The following OTOGL variants were observed in gnomAD, a reference collection of about 807,000 sequenced individuals.
OTOGL encodes otogelin like.
A neutral mutation model predicts 318.5 loss-of-function variants in OTOGL; 285 were observed. The ratio of observed to expected loss-of-function variants is 0.89; its 90% confidence interval spans 0.81 to 0.99. OTOGL has a LOEUF of 0.99. Ranked by LOEUF, OTOGL falls within the 50% of genes least tolerant of loss-of-function variation. The pLI, the probability that OTOGL is intolerant of heterozygous loss-of-function variation, is 0.00. For synonymous variants in OTOGL, 987 were observed against 936.5 expected (o/e 1.05, Z -0.99); for missense variants, 2,899 against 2,845.6 (o/e 1.02, Z -0.43).
intron 57 of OTOGL, among the ~76,000 whole-genome samples, chr12:80,374,133 A>T (rs758556687): frequency 2.8e-4 from 42 of 152,160 alleles, no homozygotes; most frequent in Non-Finnish European, 3.7e-4. Context: ...CAAAACCAAG[A>T]TGTCAGCAGG....
intron 6 of OTOGL, among the ~76,000 whole-genome samples, chr12:80,220,611 G>A (rs1402703060): frequency 3.0e-5 from 3 of 101,222 alleles, no homozygotes; most frequent in African/African-American, 3.4e-5. Flanking sequence ...GAGGGCAAGG[G>A]CTTTTTTTTT....
At chr12:80,245,996 T>A (rs11114367) in intron 11 of OTOGL, among the ~76,000 whole-genome samples, 14,581 of 144,504 alleles carry the variant, frequency 0.1, 845 homozygotes, top group Middle Eastern at 0.16. Flanking sequence ...TGCTTGTGAT[T>A]TTTGTACATT....
Position 80,236,778 on chromosome 12 carries a change from C to T in OTOGL, c.818-2073C>T, listed in dbSNP as rs77157844. 9.7e-3 allele frequency among the ~76,000 whole-genome samples: 1,429 copies of T among 147,858 alleles called. 29 individuals are homozygous for T. The highest frequency in any genetic ancestry group is 0.034 in the African/African-American group (1,339 of 39,586). On this transcript the variant is annotated intron_variant, in intron 9 of 58. Transcript: ENST00000547103. ...AATTAGAAAGCCCTAGGATTCTTTTCGTTTTTGTTTTTGTTTTTCTTTTTT... is the reference window on the plus strand; with the variant it reads ...AATTAGAAAGCCCTAGGATTCTTTTTGTTTTTGTTTTTGTTTTTCTTTTTT...
chr12:80,310,733 T>C lies in OTOGL; in HGVS notation c.3450+6T>C. On this transcript the variant is annotated splice_donor_region_variant and intron_variant, in intron 30 of 58. Transcript: ENST00000547103. ...TTGCTTCTTGTCGCAATGTGGTAAATGAATACTTTAATGAACTCTCGAGTT... is the reference window on the plus strand; with the variant it reads ...TTGCTTCTTGTCGCAATGTGGTAAACGAATACTTTAATGAACTCTCGAGTT... The C allele has an allele frequency of 6.5e-7, 1 of 1,534,504 alleles. No homozygotes were observed. The highest frequency in any genetic ancestry group is 8.9e-7 in the Non-Finnish European group (1 of 1,120,994).
intron 8 of OTOGL, among the ~76,000 whole-genome samples, chr12:80,230,228 T>G (rs1240898298): frequency 2.0e-5 from 3 of 152,146 alleles, no homozygotes; most frequent in East Asian, 1.9e-4. Context: ...TGGGCTTAGA[T>G]TCCTCAAAAG....
chr12:80,323,220 G>A (rs1305894892), intron 34 of OTOGL, among the ~76,000 whole-genome samples: 1 of 151,876 alleles, frequency 6.6e-6, no homozygotes, highest in Non-Finnish European at 1.5e-5. Context: ...GAAGATAGGT[G>A]TACATGTAGA....
At chr12:80,301,428 G>A (rs1325812443) in intron 27 of OTOGL, among the ~76,000 whole-genome samples, 1 of 151,882 alleles carries the variant, frequency 6.6e-6, no homozygotes. Flanking sequence ...AGCTTTTATT[G>A]ACTACATTTT....
At position 80,264,987 on chromosome 12, in the gene OTOGL, G is replaced by C. The variant is rs781539408; in HGVS notation, c.2015-14G>C. The C allele has an allele frequency of 6.2e-7, 1 of 1,612,506 alleles. No individual in the cohort carries two copies. On this transcript the variant is annotated splice_polypyrimidine_tract_variant and intron_variant, in intron 19 of 58. Transcript: ENST00000547103. The stretch of plus-strand genomic sequence containing the variant: ...TGAACTGTTAAATAAGATGCTAATT[G>C]GGCTCTTTGTTAGTTGGGTATGCAG...
chr12:80,355,224 C>CTTTCTTTTT (rs1889799791), intron 46 of OTOGL, among the ~76,000 whole-genome samples: 5 of 65,600 alleles, frequency 7.6e-5, no homozygotes, highest in African/African-American at 3.0e-4. Flanking sequence ...TTCTTTCTTT[C>CTTTCTTTTT]TTTTCTTTTT....
In OTOGL at chr12:80,352,307, G is replaced by T. The variant is rs369217965; in HGVS notation, c.5278G>T (p.Asp1760Tyr). 6.2e-6 allele frequency: 10 copies of T among 1,607,524 alleles called. No homozygotes were observed. Among genetic ancestry groups the T allele is most frequent in the South Asian group, 1.1e-5 (1 of 89,110 alleles). Residue 1760 changes from aspartate (D) to tyrosine (Y), a missense_variant, in exon 45 of 59, where the codon GAC becomes TAC. Asp to Tyr is a radical substitution (Grantham distance 160). Coordinates refer to ENST00000547103, the MANE Select transcript of OTOGL (RefSeq NM_001378609.3). Reference sequence around the variant, plus strand: ...AATGTTTCTCTAGGTTTCACCGGAAGACTTTTGTGAAAAGATGTGGATCAA... The same window carrying T: ...AATGTTTCTCTAGGTTTCACCGGAATACTTTTGTGAAAAGATGTGGATCAA... ...IPCHDKVSPEDFCEKMWINYT... is the reference protein window; with the variant it reads ...IPCHDKVSPEYFCEKMWINYT...
At chr12:80,333,934 T>C (rs1164794562) in intron 38 of OTOGL, among the ~76,000 whole-genome samples, 1 of 152,144 alleles carries the variant, frequency 6.6e-6, no homozygotes, top group African/African-American at 2.4e-5. Context: ...AATAAAGGAA[T>C]AAAATAGTAG....
At chr12:80,228,765 ATCTC>A (rs1879105227) in intron 7 of OTOGL, among the ~76,000 whole-genome samples, 2 of 151,574 alleles carry the variant, frequency 1.3e-5, no homozygotes, top group African/African-American at 4.8e-5. Flanking sequence ...TTGAAAAATA[ATCTC>A]TCTCTTCCCT....
chr12:80,375,561 C>T (rs776460528), intron 57 of OTOGL, among the ~76,000 whole-genome samples: 6 of 152,052 alleles, frequency 3.9e-5, no homozygotes, highest in African/African-American at 9.7e-5. Context: ...CTAACTTAAG[C>T]GGGGGCTTAG....
chr12:80,183,101 A>G (rs1213660557), intron 1 of OTOGL, among the ~76,000 whole-genome samples: 1 of 152,198 alleles, frequency 6.6e-6, no homozygotes, highest in Admixed American at 6.5e-5. Flanking sequence ...TGCTTACAAT[A>G]CAATTGGTGC....
chr12:80,231,645 ATTATTT>A (rs1053355739), intron 8 of OTOGL, among the ~76,000 whole-genome samples: 1 of 151,782 alleles, frequency 6.6e-6, no homozygotes, highest in African/African-American at 2.4e-5. Context: ...TTTTATTTTT[ATTATTT>A]TTAAACAGAG....
chr12:80,283,042 T>C (rs923179651), intron 26 of OTOGL, among the ~76,000 whole-genome samples: 1 of 151,922 alleles, frequency 6.6e-6, no homozygotes, highest in African/African-American at 2.4e-5. Context: ...CTGTTTGTGG[T>C]TCTTTACCCC....
intron 37 of OTOGL, among the ~76,000 whole-genome samples, chr12:80,332,228 A>C (rs1007228414): frequency 2.0e-5 from 3 of 152,240 alleles, no homozygotes; most frequent in African/African-American, 7.2e-5. Context: ...AAATGGCTAC[A>C]TTGAGCTCCA....
chr12:80,326,721 A>C (rs1215262759), intron 35 of OTOGL, among the ~76,000 whole-genome samples: 1 of 152,236 alleles, frequency 6.6e-6, no homozygotes, highest in South Asian at 2.1e-4. Flanking sequence ...ATAAATAATT[A>C]GTTATATAAG....
chr12:80,193,548 A>G (rs1487921553), intron 1 of OTOGL, among the ~76,000 whole-genome samples: 1 of 152,078 alleles, frequency 6.6e-6, no homozygotes, highest in East Asian at 1.9e-4. Flanking sequence ...TAATAAGGTT[A>G]GCATATATTA....
Sources: gnomAD v4.1 joint callset for allele counts (sites outside exome capture counted in the v4.1 genomes callset) on GRCh38, gnomAD v4.1.1 for gene constraint, MANE v1.5 for transcripts, NCBI Gene and HGNC (gene_info 2026-07-23, HGNC 2026-07-21) for gene names.